Variants in SPOCK1 observed in about 807,000 individuals in gnomAD.
The protein encoded by SPOCK1 is testican-1.
Under a neutral mutation model 55.3 loss-of-function variants are expected in SPOCK1, and 23 were observed. That is an observed-to-expected ratio of 0.42 (90% CI 0.30 to 0.59). The LOEUF (loss-of-function observed/expected upper bound fraction) is 0.59, where lower values mean the gene tolerates loss of function less well. SPOCK1 is among the 20% of genes least tolerant of loss of function. The pLI, the probability that SPOCK1 is intolerant of heterozygous loss-of-function variation, is 0.22. For missense variants in SPOCK1, 499 were observed against 552.5 expected (o/e 0.90, Z 0.97); for synonymous variants, 226 against 221.0 (o/e 1.02, Z -0.20).
At chr5:137,111,448 C>A (rs895455989) in intron 5 of SPOCK1, among the ~76,000 whole-genome samples, 1 of 152,146 alleles carries the variant, frequency 6.6e-6, no homozygotes, top group Non-Finnish European at 1.5e-5. Context: ...CCCACCATGT[C>A]TTACAGAAAA....
intron 4 of SPOCK1, among the ~76,000 whole-genome samples, chr5:137,128,430 T>C (rs1337631860): frequency 1.3e-5 from 2 of 152,234 alleles, no homozygotes; most frequent in Non-Finnish European, 2.9e-5. Context: ...TGTTCCCCCA[T>C]CTGATTGTTC....
chr5:137,261,115 T>C, intron 3 of SPOCK1, among the ~76,000 whole-genome samples: 1 of 152,084 alleles, frequency 6.6e-6, no homozygotes, highest in East Asian at 1.9e-4. Context: ...AACAAATTCT[T>C]AAAAAAACTG....
chr5:137,221,070 G>C (rs544216543), intron 3 of SPOCK1, among the ~76,000 whole-genome samples: 1 of 152,134 alleles, frequency 6.6e-6, no homozygotes, highest in Non-Finnish European at 1.5e-5. Flanking sequence ...AGAAAAACTG[G>C]AATATAAAAA....
At chr5:137,021,240 T>A (rs1273248261) in intron 6 of SPOCK1, among the ~76,000 whole-genome samples, 1 of 152,208 alleles carries the variant, frequency 6.6e-6, no homozygotes, top group Non-Finnish European at 1.5e-5. Context: ...GCAGCATAGA[T>A]AAATTTTGGG....
At chr5:137,328,790 A>G (rs530550575) in intron 2 of SPOCK1, among the ~76,000 whole-genome samples, 2 of 152,092 alleles carry the variant, frequency 1.3e-5, no homozygotes, top group South Asian at 4.1e-4. Flanking sequence ...CACACCACCA[A>G]CCCAAGCCAT....
intron 2 of SPOCK1, among the ~76,000 whole-genome samples, chr5:137,347,906 T>C (rs1234232000): frequency 6.6e-6 from 1 of 152,208 alleles, no homozygotes; most frequent in African/African-American, 2.4e-5. Flanking sequence ...CTGTTGAATA[T>C]GTATGTCCTC....
At chr5:137,353,986 T>C (rs545935299) in intron 2 of SPOCK1, among the ~76,000 whole-genome samples, 2 of 152,304 alleles carry the variant, frequency 1.3e-5, no homozygotes, top group South Asian at 4.1e-4. Flanking sequence ...CTTAATTTCC[T>C]GATGTCTGCC....
In SPOCK1 at chr5:137,160,549, AATATATATTATATATTATATAT is replaced by A. The variant is rs1754513277; in HGVS notation, c.233-19877_233-19856del. Among the ~76,000 whole-genome samples the A allele has an allele frequency of 3.5e-5, 2 of 57,292 alleles. 1 individual carries two copies. Among genetic ancestry groups the A allele is most frequent in the Admixed American group, 6.0e-4 (2 of 3,344 alleles). The allele number at this position is 57,292 out of a possible 152,430, so 37.6% of individuals were successfully genotyped here. On this transcript the variant is annotated intron_variant, in intron 3 of 10. Transcript: ENST00000394945. ...ATATATAAAAATATATAATATATAT[AATATATATTATATATTATATAT>A]TATATAATATATATAATATATAATA... is the stretch of plus-strand genomic sequence containing the variant.
chr5:137,473,798 C>A (rs1247242770), intron 2 of SPOCK1, among the ~76,000 whole-genome samples: 1 of 152,188 alleles, frequency 6.6e-6, no homozygotes, highest in Non-Finnish European at 1.5e-5. Flanking sequence ...TTATTTTCTT[C>A]GCACTGTTAG....
chr5:137,293,470 C>G (rs1008750675), intron 2 of SPOCK1, among the ~76,000 whole-genome samples: 1 of 146,088 alleles, frequency 6.8e-6, no homozygotes, highest in African/African-American at 2.6e-5. Context: ...AAACTTTAGC[C>G]TGCATCAGAA....
At chr5:137,227,763 C>G (rs1297587168) in intron 3 of SPOCK1, among the ~76,000 whole-genome samples, 2 of 152,166 alleles carry the variant, frequency 1.3e-5, no homozygotes, top group Non-Finnish European at 2.9e-5. Flanking sequence ...GCAAAGGGAA[C>G]AGCCAACAGT....
chr5:137,459,068 C>T (rs957232756), intron 2 of SPOCK1, among the ~76,000 whole-genome samples: 2 of 152,156 alleles, frequency 1.3e-5, no homozygotes, highest in Admixed American at 1.3e-4. Flanking sequence ...GGCTGGCAGC[C>T]CAAGTCCAAT....
intron 3 of SPOCK1, among the ~76,000 whole-genome samples, chr5:137,249,956 G>A (rs1756476166): frequency 6.6e-6 from 1 of 152,090 alleles, no homozygotes. Flanking sequence ...AGACACACTT[G>A]GATTGGAAAC....
chr5:137,152,867 C>T (rs903830719), intron 3 of SPOCK1, among the ~76,000 whole-genome samples: 1 of 152,164 alleles, frequency 6.6e-6, no homozygotes, highest in Non-Finnish European at 1.5e-5. Context: ...CTGCACTGCT[C>T]AATACAAAAT....
intron 3 of SPOCK1, among the ~76,000 whole-genome samples, chr5:137,228,598 G>A (rs1561478004): frequency 1.3e-5 from 2 of 152,098 alleles, no homozygotes; most frequent in Non-Finnish European, 2.9e-5. Flanking sequence ...AGCAGAGATT[G>A]GGCCACTGCA....
At chr5:137,459,374 C>A (rs1227902074) in intron 2 of SPOCK1, among the ~76,000 whole-genome samples, 1 of 151,832 alleles carries the variant, frequency 6.6e-6, no homozygotes, top group East Asian at 1.9e-4. Context: ...CTTAGGGGAA[C>A]TTTCCCATCA....
Position 136,997,601 on chromosome 5 carries a change from C to G in SPOCK1, c.590-5001G>C, listed in dbSNP as rs752641285. Among the ~76,000 whole-genome samples the G allele has an allele frequency of 4.3e-4, 66 of 152,326 alleles. 1 individual carries two copies. The highest frequency in any genetic ancestry group is 6.5e-4 in the Admixed American group (10 of 15,304). ...CCAAATCTCTCTTCTGTATCTGCTC[C>G]TCCTCAACCTTCACGCTCTGGCCTT... is the stretch of plus-strand genomic sequence containing the variant. On this transcript the variant is annotated intron_variant, in intron 6 of 10. Coordinates refer to ENST00000394945, the MANE Select transcript of SPOCK1 (RefSeq NM_004598.4).
chr5:137,496,611 A>G (rs973075464), intron 2 of SPOCK1, among the ~76,000 whole-genome samples: 2 of 152,208 alleles, frequency 1.3e-5, no homozygotes, highest in African/African-American at 2.4e-5. Flanking sequence ...AACTCTATCT[A>G]AAAGATAGCC....
intron 2 of SPOCK1, among the ~76,000 whole-genome samples, chr5:137,384,957 T>TG (rs200880269): frequency 5.9e-4 from 90 of 151,674 alleles, no homozygotes; most frequent in East Asian, 2.7e-3. Context: ...TACTGTAGGA[T>TG]GGGGGGGGCG....
Sources: gnomAD v4.1 joint callset for allele counts (sites outside exome capture counted in the v4.1 genomes callset) on GRCh38, gnomAD v4.1.1 for gene constraint, MANE v1.5 for transcripts, NCBI Gene and HGNC (gene_info 2026-07-23, HGNC 2026-07-21) for gene names.